DRC3: variants seen among roughly 807,000 people sequenced by gnomAD.
DRC3 encodes the protein dynein regulatory complex subunit 3.
In DRC3, 45 loss-of-function variants were observed where a neutral mutation model predicts 57.6. The observed-to-expected ratio is 0.78, with a 90% CI of 0.62 to 1.00. The LOEUF is 1.00. Ranked by LOEUF, DRC3 falls within the 50% of genes least tolerant of loss-of-function variation. The pLI is 0.00. For synonymous variants in DRC3, 257 were observed against 272.3 expected (o/e 0.94, Z 0.55); for missense variants, 655 against 675.2 (o/e 0.97, Z 0.33).
chr17:18,007,475 C>CT (rs2044022297), intron 12 of DRC3: 3 of 1,550,864 alleles, frequency 1.9e-6, no homozygotes, highest in Non-Finnish European at 2.6e-6. Flanking sequence ...AGGTTGAAGT[C>CT]TGAGATTTCC....
chr17:17,987,439 C>T (rs557784794), intron 4 of DRC3, among the ~76,000 whole-genome samples: 47 of 152,128 alleles, frequency 3.1e-4, no homozygotes, highest in African/African-American at 1.1e-3. Flanking sequence ...GCTTCTGCTT[C>T]CCAAATGATA....
intron 12 of DRC3, among the ~76,000 whole-genome samples, chr17:18,012,262 A>C (rs1024011442): frequency 6.6e-6 from 1 of 152,224 alleles, no homozygotes; most frequent in African/African-American, 2.4e-5. Context: ...ACTGGGGAAA[A>C]GACAGTCTCT....
At chr17:17,979,023 G>A (rs897451121) in intron 3 of DRC3, among the ~76,000 whole-genome samples, 5 of 152,220 alleles carry the variant, frequency 3.3e-5, no homozygotes, top group Non-Finnish European at 5.9e-5. Flanking sequence ...AGGAAAAAAG[G>A]AAGGAGAGGA....
Position 18,008,635 on chromosome 17 carries a change from A to C in DRC3, c.1326+1488A>C, listed in dbSNP as rs528966804. ...AGCCTCTGTCCTGGGGCCCAGACAG[A>C]CACCCAACATAGCAGTGTGGTGATA... is the stretch of plus-strand genomic sequence containing the variant. On this transcript the variant is annotated intron_variant, in intron 12 of 13. Transcript: ENST00000399187. This position sits in a 1 kb window ranked among gnomAD's most constrained non-coding sequence, Gnocchi z 4.3. Among the ~76,000 whole-genome samples the C allele has an allele frequency of 6.6e-6, 1 of 152,348 alleles. No individual in the cohort carries two copies. The highest frequency in any genetic ancestry group is 2.4e-5 in the African/African-American group (1 of 41,570).
At chr17:17,977,779 G>A (rs1423040002) in intron 3 of DRC3, 21 bp downstream of exon 3, 1 of 1,558,790 alleles carries the variant, frequency 6.4e-7, no homozygotes, top group Non-Finnish European at 8.7e-7. Flanking sequence ...AAGGTTCAGG[G>A]GTGGTGGCCA....
intron 12 of DRC3, chr17:18,007,631 G>A (rs975427580): frequency 1.4e-6 from 2 of 1,404,914 alleles, no homozygotes; most frequent in African/African-American, 2.9e-5. Flanking sequence ...GTCGGCCTGA[G>A]GAACCTGGCT....
At chr17:17,976,027 C>T (rs2042371207) in intron 2 of DRC3, among the ~76,000 whole-genome samples, 1 of 152,146 alleles carries the variant, frequency 6.6e-6, no homozygotes, top group South Asian at 2.1e-4. Context: ...CAGACACCAT[C>T]AGCCCTGCAC....
chr17:18,002,274 G>C (rs1208124206), intron 9 of DRC3, among the ~76,000 whole-genome samples: 4 of 152,184 alleles, frequency 2.6e-5, no homozygotes, highest in Non-Finnish European at 1.5e-5. Flanking sequence ...TTGAGGTAGG[G>C]ATCGAGCCTG....
At chr17:18,000,357 A>AGTGTGTGTGTGTGT (rs113487468) in intron 9 of DRC3, among the ~76,000 whole-genome samples, 8 of 65,332 alleles carry the variant, frequency 1.2e-4, no homozygotes, top group African/African-American at 4.0e-4. Flanking sequence ...CTTTCACGTG[A>AGTGTGTGTGTGTGT]GTGTGTGTGT....
At chr17:18,013,602 A>C (rs1320938663) in intron 12 of DRC3, among the ~76,000 whole-genome samples, 1 of 152,242 alleles carries the variant, frequency 6.6e-6, no homozygotes, top group African/African-American at 2.4e-5. Flanking sequence ...ATCTCATAGA[A>C]GTAAAAACAA....
At chr17:17,993,193 A>T (rs1391797309) in intron 6 of DRC3, 1 of 295,794 alleles carries the variant, frequency 3.4e-6, no homozygotes, top group Non-Finnish European at 6.3e-6. Context: ...CCAGATGAAG[A>T]AGCTGAGGAG....
At chr17:18,003,756 C>T (rs2043840645) in intron 9 of DRC3, among the ~76,000 whole-genome samples, 1 of 148,718 alleles carries the variant, frequency 6.7e-6, no homozygotes. Context: ...CATTCTCCTG[C>T]CTCAGCCTCC....
At chr17:17,999,701 C>T (rs557628283) in intron 9 of DRC3, among the ~76,000 whole-genome samples, 3 of 152,332 alleles carry the variant, frequency 2.0e-5, no homozygotes, top group African/African-American at 7.2e-5. Context: ...CCTCCATTTC[C>T]TCATTTGCAG....
At chr17:17,974,991 G>C (rs1178518325) in intron 2 of DRC3, among the ~76,000 whole-genome samples, 1 of 152,210 alleles carries the variant, frequency 6.6e-6, no homozygotes, top group East Asian at 1.9e-4. Flanking sequence ...GGTGAAGTGA[G>C]TTGCCAAAAG....
chr17:17,994,542 A>G, intron 7 of DRC3, 124 bp downstream of exon 7: 1 of 1,322,778 alleles, frequency 7.6e-7, no homozygotes, highest in South Asian at 1.4e-5. Context: ...CTCCCTCCAC[A>G]GGGCCTGATG....
chr17:18,001,971 C>A (rs2043751961), intron 9 of DRC3, among the ~76,000 whole-genome samples: 1 of 117,216 alleles, frequency 8.5e-6, no homozygotes, highest in Non-Finnish European at 1.7e-5. Flanking sequence ...AGTTTGAGAC[C>A]AGCCTTGCCA....
intron 1 of DRC3, among the ~76,000 whole-genome samples, chr17:17,973,472 G>A (rs921862393): frequency 5.9e-5 from 9 of 152,108 alleles, no homozygotes; most frequent in African/African-American, 2.2e-4. Context: ...GGAGCCTCAG[G>A]TTCCCTAGCT....
At chr17:17,976,785 T>C (rs567922105) in intron 2 of DRC3, among the ~76,000 whole-genome samples, 1 of 152,260 alleles carries the variant, frequency 6.6e-6, no homozygotes, top group Admixed American at 6.5e-5. Context: ...CTAGGGACAT[T>C]AGGGACTGGA....
chr17:17,975,275 G>A (rs554103879), intron 2 of DRC3, among the ~76,000 whole-genome samples: 75 of 148,616 alleles, frequency 5.0e-4, no homozygotes, highest in African/African-American at 1.7e-3. Flanking sequence ...AGTGGTGCAC[G>A]ATCTCGGCTC....
Sources: allele counts gnomAD v4.1 joint callset (sites outside exome capture counted in the v4.1 genomes callset), GRCh38; gene constraint gnomAD v4.1.1; non-coding constraint Gnocchi (gnomAD v3.1); transcripts MANE v1.5; gene names NCBI Gene and HGNC (gene_info 2026-07-23, HGNC 2026-07-21).